Variants in ANKS1B observed in about 807,000 individuals in gnomAD.
The protein encoded by ANKS1B is ankyrin repeat and sterile alpha motif domain-containing protein 1B.
ANKS1B carries 36 observed loss-of-function variants against 148.3 expected under a neutral mutation model. The ratio of observed to expected loss-of-function variants is 0.24; its 90% CI spans 0.19 to 0.32. The LOEUF (loss-of-function observed/expected upper bound fraction) is 0.32. ANKS1B is among the 10% of genes least tolerant of loss of function. ANKS1B has a pLI of 1.00. For synonymous variants in ANKS1B, 542 were observed against 560.8 expected, an observed-to-expected ratio of 0.97 and a Z score of 0.47; for missense variants, 1,157 against 1,542.6, an observed-to-expected ratio of 0.75 and a Z score of 4.19.
chr12:99,920,434 A>G (rs560302737), intron 1 of ANKS1B, among the ~76,000 whole-genome samples: 253 of 152,210 alleles, frequency 1.7e-3, no homozygotes, highest in Non-Finnish European at 1.9e-3. Flanking sequence ...ATTTATTCAT[A>G]TAATCAAGAG....
intron 7 of ANKS1B, among the ~76,000 whole-genome samples, chr12:99,774,174 C>T (rs536275981): frequency 5.8e-4 from 88 of 152,102 alleles, no homozygotes; most frequent in African/African-American, 2.1e-3. Flanking sequence ...GCAAATAAAA[C>T]AATCAACACA....
intron 17 of ANKS1B, among the ~76,000 whole-genome samples, chr12:98,978,716 T>C (rs539775233): frequency 6.6e-6 from 1 of 152,340 alleles, no homozygotes; most frequent in East Asian, 1.9e-4. Flanking sequence ...GTTATACTTC[T>C]ATTTCCCCAT....
chr12:98,935,502 A>G (rs2099817816), intron 17 of ANKS1B, among the ~76,000 whole-genome samples: 2 of 152,176 alleles, frequency 1.3e-5, no homozygotes, highest in South Asian at 2.1e-4. Context: ...ATAAATTTGG[A>G]AGTATTCTTC....
chr12:99,105,768 C>CAAAAAAAAAAAAAAAAAAAAAACAAAAA (rs11349848), intron 15 of ANKS1B, among the ~76,000 whole-genome samples: 1 of 82,930 alleles, frequency 1.2e-5, no homozygotes. Context: ...GACTCTGTCT[C>CAAAAAAAAAAAAAAAAAAAAAACAAAAA]AAAAAAAAAA....
chr12:99,895,426 C>T (rs924815252), intron 1 of ANKS1B, among the ~76,000 whole-genome samples: 4 of 148,948 alleles, frequency 2.7e-5, no homozygotes, highest in African/African-American at 9.8e-5. Flanking sequence ...ACCCCCAACC[C>T]GTGTGTGTGT....
intron 16 of ANKS1B, among the ~76,000 whole-genome samples, chr12:99,080,488 A>G (rs1349866786): frequency 1.3e-5 from 2 of 152,218 alleles, no homozygotes; most frequent in Non-Finnish European, 2.9e-5. Flanking sequence ...AGAAATATTG[A>G]AAAACAGCGT....
chr12:99,519,211 T>C (rs1238207733), intron 9 of ANKS1B, among the ~76,000 whole-genome samples: 1 of 152,132 alleles, frequency 6.6e-6, no homozygotes, highest in Non-Finnish European at 1.5e-5. Flanking sequence ...CTGAGTGAGA[T>C]GTTTTGTAAG....
chr12:99,850,521 C>T (rs911295541), intron 1 of ANKS1B, among the ~76,000 whole-genome samples: 7 of 151,846 alleles, frequency 4.6e-5, no homozygotes, highest in Non-Finnish European at 1.0e-4. Context: ...TCTTCTAAAC[C>T]AATTTCCAAT....
Position 99,636,943 on chromosome 12 carries a change from C to T in ANKS1B, c.1272+18124G>A, listed in dbSNP as rs917146889. On this transcript the variant is annotated intron_variant, in intron 9 of 26. Coordinates refer to ENST00000683438, the MANE Select transcript of ANKS1B (RefSeq NM_001352186.2). Reference sequence around the variant, plus strand: ...ATTCACATGAGAAAAAATACAATTGCCTCAAAAATCTAAAGGGAAACAAAA... The same window carrying T: ...ATTCACATGAGAAAAAATACAATTGTCTCAAAAATCTAAAGGGAAACAAAA... Among the ~76,000 whole-genome samples, 3 of 151,872 alleles carry T rather than the reference C, an allele frequency of 2.0e-5. No homozygotes were observed. In the South Asian group the frequency reaches 6.2e-4, roughly 32 times the overall value.
At chr12:98,968,285 G>A (rs367887601) in intron 17 of ANKS1B, among the ~76,000 whole-genome samples, 8 of 152,114 alleles carry the variant, frequency 5.3e-5, no homozygotes, top group African/African-American at 1.4e-4. Context: ...TCGCAGACCA[G>A]CACACGTGGG....
chr12:99,818,424 C>T (rs1602859386), intron 2 of ANKS1B, among the ~76,000 whole-genome samples: 1 of 151,784 alleles, frequency 6.6e-6, no homozygotes, highest in South Asian at 2.1e-4. Flanking sequence ...ATCACCTGGA[C>T]CACAATAACT....
intron 8 of ANKS1B, among the ~76,000 whole-genome samples, chr12:99,759,447 G>A (rs1264669711): frequency 4.0e-5 from 6 of 151,856 alleles, no homozygotes; most frequent in East Asian, 3.9e-4. Flanking sequence ...AAAATATGTT[G>A]AAGCATGAGC....
intron 9 of ANKS1B, among the ~76,000 whole-genome samples, chr12:99,652,073 G>GTATATA (rs146772425): frequency 0.01 from 1,506 of 148,924 alleles, 14 homozygotes; most frequent in African/African-American, 0.018. Flanking sequence ...GTTTACATGT[G>GTATATA]TATATATATA....
chr12:98,983,170 T>C (rs1325584850), intron 17 of ANKS1B, among the ~76,000 whole-genome samples: 2 of 152,196 alleles, frequency 1.3e-5, no homozygotes, highest in African/African-American at 4.8e-5. Flanking sequence ...CTCACCAGTC[T>C]AAAATCAAAG....
chr12:99,445,335 T>C (rs2095618973), intron 10 of ANKS1B, among the ~76,000 whole-genome samples: 1 of 152,008 alleles, frequency 6.6e-6, no homozygotes, highest in South Asian at 2.1e-4. Context: ...AGGAAGAATC[T>C]CTGGCCAAGG....
chr12:99,638,178 A>G (rs977451391), intron 9 of ANKS1B, among the ~76,000 whole-genome samples: 36 of 152,302 alleles, frequency 2.4e-4, no homozygotes, highest in African/African-American at 8.4e-4. Flanking sequence ...AAGACACACG[A>G]AAATGTGAAA....
intron 17 of ANKS1B, among the ~76,000 whole-genome samples, chr12:98,844,101 T>C (rs1175197286): frequency 1.3e-5 from 2 of 152,084 alleles, no homozygotes; most frequent in Non-Finnish European, 2.9e-5. Flanking sequence ...CAGGAGGGCA[T>C]AGTGATTAAG....
chr12:99,481,796 T>A (rs2096414691), intron 10 of ANKS1B, among the ~76,000 whole-genome samples: 1 of 152,040 alleles, frequency 6.6e-6, no homozygotes, highest in Non-Finnish European at 1.5e-5. Flanking sequence ...TTTTTTCATA[T>A]GTTTATTAGC....
chr12:99,930,286 T>C (rs2094580440), intron 1 of ANKS1B, among the ~76,000 whole-genome samples: 1 of 151,962 alleles, frequency 6.6e-6, no homozygotes, highest in Admixed American at 6.6e-5. Flanking sequence ...CACTCATGAT[T>C]TGGCTCTCTG....
Sources: allele counts gnomAD v4.1 joint callset (sites outside exome capture counted in the v4.1 genomes callset), GRCh38; gene constraint gnomAD v4.1.1; transcripts MANE v1.5; gene names NCBI Gene and HGNC (gene_info 2026-07-23, HGNC 2026-07-21).